NECAB1: variants seen among roughly 807,000 people sequenced by gnomAD.
The protein encoded by NECAB1 is N-terminal EF-hand calcium binding protein 1.
A neutral mutation model predicts 57.5 loss-of-function variants in NECAB1; 29 were observed. The observed-to-expected ratio is 0.50, with a 90% CI of 0.38 to 0.69. NECAB1 has a LOEUF of 0.69. NECAB1 is among the 30% of genes least tolerant of loss of function. The probability of loss-of-function intolerance (pLI) is 0.00; values close to 1 mark genes in which losing one functional copy is unlikely to be tolerated. For synonymous variants in NECAB1, 142 were observed against 147.7 expected (o/e 0.96, Z 0.28); for missense variants, 372 against 413.8 (o/e 0.90, Z 0.88).
At chr8:90,912,933 G>A (rs1423563775) in intron 5 of NECAB1, among the ~76,000 whole-genome samples, 1 of 152,100 alleles carries the variant, frequency 6.6e-6, no homozygotes, top group South Asian at 2.1e-4. Flanking sequence ...CAAGAATGGC[G>A]AGAGCTGCAG....
intron 3 of NECAB1, among the ~76,000 whole-genome samples, chr8:90,847,036 C>T (rs933448664): frequency 9.9e-5 from 15 of 151,742 alleles, no homozygotes; most frequent in African/African-American, 3.7e-4. Context: ...AAAGTCTTAA[C>T]TCATTCCAGT....
intron 12 of NECAB1, among the ~76,000 whole-genome samples, chr8:90,952,207 T>TCTAGG (rs1379697223): frequency 6.7e-6 from 1 of 149,944 alleles, no homozygotes; most frequent in Non-Finnish European, 1.5e-5. Context: ...AGGGCAATAA[T>TCTAGG]CTAGGCCAGG....
intron 1 of NECAB1, among the ~76,000 whole-genome samples, chr8:90,798,816 A>G (rs969527437): frequency 6.6e-6 from 1 of 152,216 alleles, no homozygotes; most frequent in Non-Finnish European, 1.5e-5. Context: ...ATATATACTC[A>G]GTAACGGGAT....
chr8:90,935,804 CA>C (rs1050266564), intron 9 of NECAB1, among the ~76,000 whole-genome samples: 1 of 151,960 alleles, frequency 6.6e-6, no homozygotes, highest in African/African-American at 2.4e-5. Context: ...CCTGAGCAGC[CA>C]AAGCCAAGGC....
chr8:90,813,677 C>A (rs1812009830), intron 2 of NECAB1, among the ~76,000 whole-genome samples: 1 of 152,126 alleles, frequency 6.6e-6, no homozygotes, highest in African/African-American at 2.4e-5. Context: ...CAGGTGCACA[C>A]CACCACACCC....
chr8:90,956,943 C>CGT lies in NECAB1; in HGVS notation c.*1472_*1473dup, dbSNP rs66645266. 10,478 of 143,340 alleles carry CGT rather than the reference C, an allele frequency of 0.073. 393 individuals are homozygous for CGT. The highest frequency in any genetic ancestry group is 0.086 in the Admixed American group (1,215 of 14,198). The allele number at this position is 143,340 out of a possible 1,614,324, so 8.9% of individuals were successfully genotyped here. ...AATTTTGATATATTGTACATACACACGTGTGTGTGTGTGTGTGTGTGTGTG... is the reference window on the plus strand; with the variant it reads ...AATTTTGATATATTGTACATACACACGTGTGTGTGTGTGTGTGTGTGTGTGTG... On this transcript the variant is annotated 3_prime_UTR_variant, in exon 13 of 13. Coordinates refer to ENST00000417640, the MANE Select transcript of NECAB1 (RefSeq NM_022351.5).
rs774101856 is a variant in NECAB1, at chr8:90,791,997, T to C, written c.99+12T>C. On this transcript the variant is annotated intron_variant, in intron 1 of 12. Coordinates refer to ENST00000417640, the MANE Select transcript of NECAB1 (RefSeq NM_022351.5). Reference sequence around the variant, plus strand: ...CGATCTTCCTCGACGTAAGTACAGATGGTGGGAGCTGGGCGGTTGCTTCCC... The same window carrying C: ...CGATCTTCCTCGACGTAAGTACAGACGGTGGGAGCTGGGCGGTTGCTTCCC... 3 of 1,548,534 alleles carry C rather than the reference T, an allele frequency of 1.9e-6. No homozygotes were observed. Among genetic ancestry groups the C allele is most frequent in the South Asian group, 2.4e-5 (2 of 83,918 alleles).
chr8:90,815,542 T>C (rs144908907), intron 2 of NECAB1, among the ~76,000 whole-genome samples: 1 of 152,092 alleles, frequency 6.6e-6, no homozygotes, highest in African/African-American at 2.4e-5. Context: ...TCTTGTCCTA[T>C]TCACCCCTCC....
intron 5 of NECAB1, among the ~76,000 whole-genome samples, chr8:90,906,891 A>ATATATATATATATGTATGTATATATG (rs371995508): frequency 9.7e-5 from 11 of 113,394 alleles, no homozygotes; most frequent in African/African-American, 4.4e-4. Context: ...ATATATATAT[A>ATATATATATATATGTATGTATATATG]TATATATATA....
intron 3 of NECAB1, chr8:90,859,227 C>T (rs1221928633): frequency 6.6e-6 from 1 of 152,178 alleles, no homozygotes; most frequent in African/African-American, 2.4e-5. Context: ...CCTGTGGCCA[C>T]TGAGCCACAA....
intron 5 of NECAB1, among the ~76,000 whole-genome samples, chr8:90,910,472 G>A (rs1809804929): frequency 6.6e-6 from 1 of 152,066 alleles, no homozygotes; most frequent in South Asian, 2.1e-4. Context: ...CTCTTAAGTG[G>A]TTTGTCTTAT....
chr8:90,933,968 A>G (rs1227485155), intron 8 of NECAB1, among the ~76,000 whole-genome samples: 1 of 152,106 alleles, frequency 6.6e-6, no homozygotes, highest in Non-Finnish European at 1.5e-5. Context: ...AGGCTTAGTC[A>G]TTCTGTTTCC....
At chr8:90,850,403 A>G (rs1011985660) in intron 3 of NECAB1, among the ~76,000 whole-genome samples, 1 of 152,236 alleles carries the variant, frequency 6.6e-6, no homozygotes, top group African/African-American at 2.4e-5. Flanking sequence ...AGGAATCAGT[A>G]AAATTAATGA....
intron 6 of NECAB1, among the ~76,000 whole-genome samples, chr8:90,918,873 T>C (rs1217781926): frequency 6.6e-6 from 1 of 151,660 alleles, no homozygotes; most frequent in Non-Finnish European, 1.5e-5. Context: ...TATCTACTTA[T>C]CTCAACCCCT....
intron 5 of NECAB1, among the ~76,000 whole-genome samples, chr8:90,894,900 T>G (rs1377539555): frequency 6.6e-6 from 1 of 152,210 alleles, no homozygotes; most frequent in Non-Finnish European, 1.5e-5. Context: ...ATAATAAGTG[T>G]AAGTGCTTCA....
chr8:90,881,129 A>C lies in NECAB1; in HGVS notation c.356A>C (p.Lys119Thr), dbSNP rs1451913562. ...CTGAAGGCAATGGGCAAAACAAAGA[A>C]AGTAAGAAAATGTTAATGTTTATTT... ...SILKAMGKTK[K>T]DYQEASNLEQ... Residue 119 changes from lysine (K) to threonine (T), a missense_variant and splice_region_variant, in exon 5 of 13, where the codon AAA (lysine) becomes ACA (threonine). Physicochemically the swap from Lys to Thr is moderately conservative, Grantham distance 78. Coordinates refer to ENST00000417640, the MANE Select transcript of NECAB1 (RefSeq NM_022351.5). The C allele has an allele frequency of 3.2e-6, 5 of 1,575,552 alleles. No homozygotes were observed. The Admixed American group carries it at 8.8e-5, about 28-fold the overall frequency.
chr8:90,906,492 T>A (rs1302169447), intron 5 of NECAB1, among the ~76,000 whole-genome samples: 1 of 151,954 alleles, frequency 6.6e-6, no homozygotes, highest in Admixed American at 6.6e-5. Flanking sequence ...AACTTAAGAG[T>A]CTCCAGTTAA....
chr8:90,925,597 G>C lies in NECAB1; in HGVS notation c.557G>C (p.Arg186Pro). 6.2e-7 allele frequency: 1 copy of C among 1,613,614 alleles called. No homozygotes were observed. Residue 186 changes from arginine to proline, a missense_variant, in exon 7 of 13, where the codon CGA becomes CCA. Coordinates refer to ENST00000417640, the MANE Select transcript of NECAB1 (RefSeq NM_022351.5). ...IQWPGKRSSRRVQRHNSFSPN... is the reference protein window; with the variant it reads ...IQWPGKRSSRPVQRHNSFSPN... ...TGGCCTGGAAAACGATCAAGCCGCCGAGTCCAGAGACACAACAGCTTCTCC... is the reference window on the plus strand; with the variant it reads ...TGGCCTGGAAAACGATCAAGCCGCCCAGTCCAGAGACACAACAGCTTCTCC...
In NECAB1 at chr8:90,955,815, T is replaced by G. The variant is rs1479693657; in HGVS notation, c.*303T>G. The G allele has an allele frequency of 1.1e-5, 3 of 277,438 alleles. No individual in the cohort carries two copies. The highest frequency in any genetic ancestry group is 2.0e-5 in the Non-Finnish European group (3 of 149,954). 17.2% of individuals were successfully genotyped at this position (277,438 alleles called of 1,614,324 possible). A position where few individuals can be genotyped will look rare whatever the true frequency, so the allele number is the denominator to read the frequency against. On this transcript the variant is annotated 3_prime_UTR_variant, in exon 13 of 13. Coordinates refer to ENST00000417640, the MANE Select transcript of NECAB1 (RefSeq NM_022351.5). ...GGAAAAAAGCATATGCATAAAGGAA[T>G]AATATTGTGAAAATGAATCTGTTAT...
Sources: allele counts gnomAD v4.1 joint callset (sites outside exome capture counted in the v4.1 genomes callset), GRCh38; gene constraint gnomAD v4.1.1; transcripts MANE v1.5; gene names NCBI Gene and HGNC (gene_info 2026-07-23, HGNC 2026-07-21).